Variants in PCDHA11 observed in about 807,000 individuals in gnomAD.
The protein encoded by PCDHA11 is protocadherin alpha 11.
PCDHA11 carries 61 observed loss-of-function variants against 70.3 expected under a neutral mutation model. The observed-to-expected ratio is 0.87, with a 90% CI of 0.71 to 1.07. The LOEUF is 1.07. PCDHA11 is among the 50% of genes least tolerant of loss of function. PCDHA11 has a pLI of 0.00. For synonymous variants in PCDHA11, 633 were observed against 555.1 expected (o/e 1.14, Z -1.97); for missense variants, 1,324 against 1,237.5 (o/e 1.07, Z -1.05).
intron 1 of PCDHA11, among the ~76,000 whole-genome samples, chr5:140,925,189 C>T (rs1488098385): frequency 1.3e-5 from 2 of 152,116 alleles, no homozygotes; most frequent in Non-Finnish European, 1.5e-5. Context: ...TACCATCACC[C>T]AGCTTCAATA....
At chr5:140,966,744 T>A in intron 1 of PCDHA11, 1 of 1,424,124 alleles carries the variant, frequency 7.0e-7, no homozygotes. Flanking sequence ...CCTGCCCGGC[T>A]GCCTCCGCCG....
chr5:140,959,078 A>C (rs1489301308), intron 1 of PCDHA11, among the ~76,000 whole-genome samples: 1 of 152,128 alleles, frequency 6.6e-6, no homozygotes, highest in Non-Finnish European at 1.5e-5. Flanking sequence ...ATTCAGTATT[A>C]TCCTTGGTTT....
At position 140,870,456 on chromosome 5, in the gene PCDHA11, G is replaced by T. The variant is rs782212198; in HGVS notation, c.1353G>T (p.Ala451=). Residue 451 remains alanine, a synonymous_variant, in exon 1 of 4, where the codon GCG becomes GCT. Coordinates refer to ENST00000398640, the MANE Select transcript of PCDHA11 (RefSeq NM_018902.5). ...AGGTGGCCGACGTGAACGACAATGC[G>T]CCTGCGTTCGCACAGCCCGAGTACA... ...SVEVADVNDN[A]PAFAQPEYTV... The T allele has an allele frequency of 6.2e-7, 1 of 1,614,230 alleles. No homozygotes were observed.
chr5:140,961,549 T>C (rs782360372), intron 1 of PCDHA11, among the ~76,000 whole-genome samples: 3 of 152,220 alleles, frequency 2.0e-5, no homozygotes, highest in Non-Finnish European at 4.4e-5. Flanking sequence ...CTGCAGCATT[T>C]CTTTTTTTAA....
chr5:140,870,564 G>T lies in PCDHA11; in HGVS notation c.1461G>T (p.Ala487=), dbSNP rs782511789. 2 of 1,613,884 alleles carry T rather than the reference G, an allele frequency of 1.2e-6. No homozygotes were observed. The highest frequency in any genetic ancestry group is 1.7e-6 in the Non-Finnish European group (2 of 1,179,996). The part of the protein sequence containing the change: ...SARDADAQEN[A]LVSYSLVERR... ...GGGACGCGGACGCGCAGGAGAACGC[G>T]CTGGTGTCCTACTCGCTGGTGGAGC... The change falls in exon 1 of 4, where the codon GCG becomes GCT. Residue 487 remains alanine (A), a synonymous_variant. Coordinates refer to ENST00000398640, the MANE Select transcript of PCDHA11 (RefSeq NM_018902.5).
chr5:141,009,533 G>T (rs1410740655), intron 3 of PCDHA11, 94 bp from the exon 4 acceptor site: 1 of 1,509,328 alleles, frequency 6.6e-7, no homozygotes, highest in African/African-American at 1.4e-5. Context: ...GGGAGGTTCA[G>T]CCTGCCTATG....
At position 141,010,400 on chromosome 5, in the gene PCDHA11, T is replaced by C. The variant is rs145123720; in HGVS notation, c.*463T>C. 379 of 1,297,746 alleles carry C rather than the reference T, an allele frequency of 2.9e-4. No individual in the cohort carries two copies. Among genetic ancestry groups the C allele is most frequent in the Non-Finnish European group, 3.8e-4 (370 of 966,092 alleles). 80.4% of individuals were successfully genotyped at this position (1,297,746 alleles called of 1,614,324 possible). ...CAGATATTGGCTGAGACGAGCCAGC[T>C]TAGACTAATTGGTACAAGGAAGGCA... On this transcript the variant is annotated 3_prime_UTR_variant, in exon 4 of 4. Transcript: ENST00000398640.
Position 140,946,631 on chromosome 5 carries a change from T to TATATATATATATATAC in PCDHA11, c.2392-32317_2392-32316insTATATATATATATACA, listed in dbSNP as rs57893927. On this transcript the variant is annotated intron_variant, in intron 1 of 3. Coordinates refer to ENST00000398640, the MANE Select transcript of PCDHA11 (RefSeq NM_018902.5). The stretch of plus-strand genomic sequence containing the variant: ...TGTGAAATATATATATATATATATA[T>TATATATATATATATAC]ACAATGGAATACTCATCAGCCATTA... 8.0e-3 allele frequency among the ~76,000 whole-genome samples: 1,048 copies of TATATATATATATATAC among 131,788 alleles called. 65 individuals carry two copies. Among genetic ancestry groups the TATATATATATATATAC allele is most frequent in the African/African-American group, 0.026 (735 of 28,674 alleles). The allele number at this position is 131,788 out of a possible 152,430, so 86.5% of individuals were successfully genotyped here. A position where few individuals can be genotyped will look rare whatever the true frequency, so the allele number is the denominator to read the frequency against.
At chr5:140,889,218 G>T (rs1163027011) in intron 1 of PCDHA11, among the ~76,000 whole-genome samples, 1 of 151,574 alleles carries the variant, frequency 6.6e-6, no homozygotes, top group Non-Finnish European at 1.5e-5. Flanking sequence ...AAGAAGAATA[G>T]TCTTTGAAAA....
intron 3 of PCDHA11, among the ~76,000 whole-genome samples, chr5:140,998,172 T>C (rs1438782798): frequency 6.6e-6 from 1 of 152,184 alleles, no homozygotes; most frequent in Admixed American, 6.5e-5. Flanking sequence ...CCAAGTATTA[T>C]TCTAAGCACT....
chr5:140,951,150 ATAGT>A (rs33995910), intron 1 of PCDHA11, among the ~76,000 whole-genome samples: 85,202 of 151,324 alleles, frequency 0.56, 24,547 homozygotes, highest in African/African-American at 0.69. Context: ...CTTATTGAAT[ATAGT>A]TATAGTAGCT....
In PCDHA11 at chr5:140,875,510, G is replaced by T. The variant is rs186070067; in HGVS notation, c.2391+4016G>T. The stretch of plus-strand genomic sequence containing the variant: ...GGACCAAGAGGCCCGGGATCCCAGC[G>T]TCTGCTGCTCTCGCTTCTGCTCCTT... On this transcript the variant is annotated intron_variant, in intron 1 of 3. Transcript: ENST00000398640. 1.2e-5 allele frequency: 19 copies of T among 1,613,812 alleles called. No homozygotes were observed. Among genetic ancestry groups the T allele is most frequent in the Non-Finnish European group, 1.6e-5 (19 of 1,179,784 alleles).
At chr5:140,884,433 G>C in intron 1 of PCDHA11, 1 of 1,613,908 alleles carries the variant, frequency 6.2e-7, no homozygotes, top group Non-Finnish European at 8.5e-7. Context: ...ACTGCGCTGC[G>C]GTGCTCGGCA....
At chr5:140,948,351 A>G (rs951541212) in intron 1 of PCDHA11, among the ~76,000 whole-genome samples, 1 of 151,646 alleles carries the variant, frequency 6.6e-6, no homozygotes, top group East Asian at 1.9e-4. Flanking sequence ...TTCTAACCTA[A>G]TAAAATGACT....
intron 1 of PCDHA11, among the ~76,000 whole-genome samples, chr5:140,907,985 A>T (rs1377305456): frequency 2.6e-5 from 4 of 152,178 alleles, no homozygotes; most frequent in East Asian, 1.9e-4. Flanking sequence ...GCTTCTTCCA[A>T]GTCCTTAACC....
intron 1 of PCDHA11, among the ~76,000 whole-genome samples, chr5:140,913,649 T>A (rs1284685382): frequency 1.3e-5 from 2 of 152,166 alleles, no homozygotes; most frequent in Non-Finnish European, 2.9e-5. Flanking sequence ...TTTCTAGTTC[T>A]TTAAGATGTA....
rs374163229 is a variant in PCDHA11 at position 140,870,784 on chromosome 5, G to C, written c.1681G>C (p.Ala561Pro). 16 of 1,613,456 alleles carry C rather than the reference G, an allele frequency of 9.9e-6. No homozygotes were observed. The African/African-American group carries it at 2.0e-4, about 20-fold the overall frequency. Residue 561 changes from alanine to proline, a missense_variant, in exon 1 of 4, where the codon GCG (alanine) becomes CCG (proline). Transcript: ENST00000398640. ...QVFVLDENDN[A>P]PALLATQAGS... ...GTTCGTGCTGGACGAGAACGACAAC[G>C]CGCCGGCACTGCTGGCGACTCAGGC...
chr5:141,005,255 CACTGGTGATACATTGGTGAAT>C (rs1319250318), intron 3 of PCDHA11, among the ~76,000 whole-genome samples: 1 of 152,182 alleles, frequency 6.6e-6, no homozygotes, highest in African/African-American at 2.4e-5. Context: ...TTGTGCTAGG[CACTGGTGATACATTGGTGAAT>C]AAACAGATAC....
intron 3 of PCDHA11, among the ~76,000 whole-genome samples, chr5:140,993,183 A>C (rs551464442): frequency 2.7e-4 from 41 of 152,298 alleles, no homozygotes; most frequent in Non-Finnish European, 5.0e-4. Flanking sequence ...ATTTCTTTAG[A>C]GGGAAACTCA....
Sources: gnomAD v4.1 joint callset for allele counts (sites outside exome capture counted in the v4.1 genomes callset) on GRCh38, gnomAD v4.1.1 for gene constraint, MANE v1.5 for transcripts, NCBI Gene and HGNC (gene_info 2026-07-23, HGNC 2026-07-21) for gene names.